The following EVC2 variants were observed in gnomAD, a reference collection of about 807,000 sequenced individuals.
EVC2 encodes the protein EvC ciliary complex subunit 2, also known as limbin.
A neutral mutation model predicts 149.3 loss-of-function variants in EVC2; 148 were observed. That is an observed-to-expected ratio of 0.99 (90% CI 0.87 to 1.14). The LOEUF (loss-of-function observed/expected upper bound fraction) is 1.14. EVC2 is among the 50% of genes most tolerant of loss of function. The pLI is 0.00. For synonymous variants in EVC2, 776 were observed against 649.9 expected, an observed-to-expected ratio of 1.19 and a Z score of -2.95; for missense variants, 1,854 against 1,627.3, an observed-to-expected ratio of 1.14 and a Z score of -2.40.
rs199709419 is a variant in EVC2, at chr4:5,633,507, G to T, written c.1471-1475C>A. ...CCCATGCTCAGCTAGGGGAGGAAGC[G>T]TGTTGAAAGCAAGTGTTCAGGCTCC... On this transcript the variant is annotated intron_variant, in intron 10 of 21. Transcript: ENST00000344408. The surrounding 1 kb of genome is among the most constrained non-coding windows in gnomAD (Gnocchi z 4.4). Among the ~76,000 whole-genome samples, 1 of 152,250 alleles carries T rather than the reference G, an allele frequency of 6.6e-6. No individual in the cohort carries two copies. Among genetic ancestry groups the T allele is most frequent in the Non-Finnish European group, 1.5e-5 (1 of 68,044 alleles).
At chr4:5,595,634 T>C (rs1183298811) in intron 16 of EVC2, among the ~76,000 whole-genome samples, 1 of 152,126 alleles carries the variant, frequency 6.6e-6, no homozygotes, top group Non-Finnish European at 1.5e-5. Flanking sequence ...GTAAAGACCA[T>C]TGAGGCTAGG....
chr4:5,678,039 G>C (rs896198374), intron 7 of EVC2, among the ~76,000 whole-genome samples: 7 of 152,200 alleles, frequency 4.6e-5, no homozygotes, highest in Non-Finnish European at 1.0e-4. Flanking sequence ...GCAGAAAAGA[G>C]TTAACATCTC....
chr4:5,568,736 A>T (rs897279544), intron 19 of EVC2, 96 bp from the exon 20 acceptor site: 11 of 1,302,884 alleles, frequency 8.4e-6, no homozygotes, highest in Non-Finnish European at 1.2e-5. Flanking sequence ...TCTGTCCTGG[A>T]GTGATAAATA....
At chr4:5,591,200 A>ATC (rs1322489085) in intron 16 of EVC2, among the ~76,000 whole-genome samples, 1 of 152,208 alleles carries the variant, frequency 6.6e-6, no homozygotes, top group Non-Finnish European at 1.5e-5. Flanking sequence ...AAATATATAT[A>ATC]TTAAGCCACC....
At chr4:5,650,632 T>TAG (rs1225235146) in intron 9 of EVC2, among the ~76,000 whole-genome samples, 57 of 61,530 alleles carry the variant, frequency 9.3e-4, no homozygotes, top group African/African-American at 1.2e-3. Flanking sequence ...TATATATATA[T>TAG]ATATATAGAG....
intron 21 of EVC2, among the ~76,000 whole-genome samples, chr4:5,545,156 T>G (rs1055268948): frequency 6.6e-6 from 1 of 152,198 alleles, no homozygotes; most frequent in African/African-American, 2.4e-5. Context: ...TGTGTCCCCA[T>G]GTAGATAGTG....
At chr4:5,709,072 C>G (rs1193320869), upstream of EVC2, 2 of 152,432 alleles carry the variant, frequency 1.3e-5, no homozygotes, top group Non-Finnish European at 2.9e-5. Flanking sequence ...CACCCACTGC[C>G]CGAGCCTGCT....
rs990662458 is a variant in EVC2, at chr4:5,637,069, A to C, written c.1470+3445T>G. 6.6e-6 allele frequency among the ~76,000 whole-genome samples: 1 copy of C among 152,190 alleles called. No homozygotes were observed. Among genetic ancestry groups the C allele is most frequent in the Non-Finnish European group, 1.5e-5 (1 of 68,040 alleles). ...GCAAGGTGGTGTGGGTGGGAGAGACAGGCTGCAGAAAAGCCCTGGAGAGAG... is the reference window on the plus strand; with the variant it reads ...GCAAGGTGGTGTGGGTGGGAGAGACCGGCTGCAGAAAAGCCCTGGAGAGAG... On this transcript the variant is annotated intron_variant, in intron 10 of 21. Coordinates refer to ENST00000344408, the MANE Select transcript of EVC2 (RefSeq NM_147127.5). This position sits in a 1 kb window ranked among gnomAD's most constrained non-coding sequence, Gnocchi z 4.4.
At chr4:5,631,571 G>T (rs1021593474) in intron 11 of EVC2, among the ~76,000 whole-genome samples, 2 of 151,692 alleles carry the variant, frequency 1.3e-5, no homozygotes, top group African/African-American at 4.8e-5. Flanking sequence ...GTAGACTGGG[G>T]GGGGGAACTG....
At position 5,677,456 on chromosome 4, in the gene EVC2, A is replaced by G. The variant is rs901450300; in HGVS notation, c.870+3804T>C. On this transcript the variant is annotated intron_variant, in intron 7 of 21. Coordinates refer to ENST00000344408, the MANE Select transcript of EVC2 (RefSeq NM_147127.5). The surrounding 1 kb of genome is among the most constrained non-coding windows in gnomAD (Gnocchi z 4.3). ...TGTCCTGGGGGCTGGTGTGGCTGAAATCCAGCCCCAGCTCCACGGCCAGGA... is the reference window on the plus strand; with the variant it reads ...TGTCCTGGGGGCTGGTGTGGCTGAAGTCCAGCCCCAGCTCCACGGCCAGGA... 1.3e-5 allele frequency among the ~76,000 whole-genome samples: 2 copies of G among 152,124 alleles called. No individual in the cohort carries two copies. The highest frequency in any genetic ancestry group is 2.1e-4 in the South Asian group (1 of 4,818).
At chr4:5,553,406 CA>C (rs2108760508) in intron 21 of EVC2, among the ~76,000 whole-genome samples, 2 of 152,266 alleles carry the variant, frequency 1.3e-5, no homozygotes, top group East Asian at 3.9e-4. Flanking sequence ...GATGACAATT[CA>C]ACATGAGATT....
intron 21 of EVC2, among the ~76,000 whole-genome samples, chr4:5,552,190 C>T (rs898033371): frequency 6.6e-5 from 10 of 152,138 alleles, no homozygotes; most frequent in East Asian, 1.9e-4. Flanking sequence ...CCTTCTACTA[C>T]GGAGATGAGG....
intron 9 of EVC2, among the ~76,000 whole-genome samples, chr4:5,659,666 A>T (rs1718755011): frequency 6.6e-6 from 1 of 152,204 alleles, no homozygotes; most frequent in Non-Finnish European, 1.5e-5. Context: ...CAAGAACAAA[A>T]TCATTATAAA....
chr4:5,633,693 G>T lies in EVC2; in HGVS notation c.1471-1661C>A, dbSNP rs1268120171. Among the ~76,000 whole-genome samples, 1 of 152,256 alleles carries T rather than the reference G, an allele frequency of 6.6e-6. No homozygotes were observed. The highest frequency in any genetic ancestry group is 1.5e-5 in the Non-Finnish European group (1 of 68,048). On this transcript the variant is annotated intron_variant, in intron 10 of 21. Coordinates refer to ENST00000344408, the MANE Select transcript of EVC2 (RefSeq NM_147127.5). The surrounding 1 kb of genome is among the most constrained non-coding windows in gnomAD (Gnocchi z 4.4). ...AGGTGTGGCATCATGCCATGGCTGGGCTGAGTAGAAGCCCGAGGAAGGCAG... is the reference window on the plus strand; with the variant it reads ...AGGTGTGGCATCATGCCATGGCTGGTCTGAGTAGAAGCCCGAGGAAGGCAG...
intron 10 of EVC2, among the ~76,000 whole-genome samples, chr4:5,632,372 A>G (rs1244825964): frequency 6.6e-6 from 1 of 152,162 alleles, no homozygotes; most frequent in Non-Finnish European, 1.5e-5. Context: ...ACATAGACAC[A>G]CACACAGTCC....
downstream of EVC2, among the ~76,000 whole-genome samples, chr4:5,561,488 C>T (rs1377900001): frequency 6.6e-6 from 1 of 152,206 alleles, no homozygotes; most frequent in Non-Finnish European, 1.5e-5. Context: ...GTCATGCAGT[C>T]AAGTGGCAGC....
intron 16 of EVC2, among the ~76,000 whole-genome samples, chr4:5,609,659 C>T (rs1171955165): frequency 2.6e-5 from 4 of 152,238 alleles, no homozygotes; most frequent in Non-Finnish European, 5.9e-5. Context: ...TGGGCTATCA[C>T]TGTCACAAGC....
Position 5,640,419 on chromosome 4 carries a change from G to A in EVC2, c.1470+95C>T. On this transcript the variant is annotated intron_variant, in intron 10 of 21. Transcript: ENST00000344408. This position sits in a 1 kb window ranked among gnomAD's most constrained non-coding sequence, Gnocchi z 4.6. ...TTGGATGGATGATGGGTAGACGGAT[G>A]GAGGAGGCAAATGGACAGATGAGTG... 7.0e-7 allele frequency: 1 copy of A among 1,433,014 alleles called. No individual in the cohort carries two copies. The highest frequency in any genetic ancestry group is 9.8e-7 in the Non-Finnish European group (1 of 1,016,778). The allele number at this position is 1,433,014 out of a possible 1,614,324, so 88.8% of individuals were successfully genotyped here.
intron 9 of EVC2, among the ~76,000 whole-genome samples, chr4:5,645,756 A>T (rs1717665029): frequency 6.6e-6 from 1 of 152,156 alleles, no homozygotes; most frequent in African/African-American, 2.4e-5. Context: ...AGAATGATTT[A>T]TAGTCCTTTG....
Sources: gnomAD v4.1 joint callset for allele counts (sites outside exome capture counted in the v4.1 genomes callset) on GRCh38, gnomAD v4.1.1 for gene constraint, Gnocchi (gnomAD v3.1) non-coding constraint, MANE v1.5 for transcripts, NCBI Gene and HGNC (gene_info 2026-07-23, HGNC 2026-07-21) for gene names.